ASH1L: variants seen among roughly 807,000 people sequenced by gnomAD.
The protein encoded by ASH1L is histone-lysine N-methyltransferase ASH1L.
A neutral mutation model predicts 269.0 loss-of-function variants in ASH1L; 23 were observed. The ratio of observed to expected loss-of-function variants is 0.09; its 90% confidence interval spans 0.06 to 0.12. ASH1L has a LOEUF of 0.12. ASH1L is among the 10% of genes least tolerant of loss of function. The pLI, the probability that ASH1L is intolerant of heterozygous loss-of-function variation, is 1.00. For synonymous variants in ASH1L, 1,187 were observed against 1,253.5 expected, an observed-to-expected ratio of 0.95 and a Z score of 1.12; for missense variants, 2,912 against 3,567.8, an observed-to-expected ratio of 0.82 and a Z score of 4.68.
intron 1 of ASH1L, among the ~76,000 whole-genome samples, chr1:155,524,821 C>G (rs1238704269): frequency 6.6e-6 from 1 of 151,730 alleles, no homozygotes; most frequent in Non-Finnish European, 1.5e-5. Flanking sequence ...GCTTGGGCAA[C>G]AGAACAAGAC....
At position 155,482,592 on chromosome 1, in the gene ASH1L, T is replaced by C. The variant is rs1666035069; in HGVS notation, c.421-143A>G. ...TTTTTAAAAAACCTAATATTATACT[T>C]ATGTCACAGTATGTTAGCTCATCTG... On this transcript the variant is annotated intron_variant, in intron 2 of 27. Transcript: ENST00000392403. 11 of 759,680 alleles carry C rather than the reference T, an allele frequency of 1.4e-5. No individual in the cohort carries two copies. In the South Asian group the frequency reaches 2.0e-4, roughly 14 times the overall value. The allele number at this position is 759,680 out of a possible 1,614,324, so 47.1% of individuals were successfully genotyped here. A position where few individuals can be genotyped will look rare whatever the true frequency, so the allele number is the denominator to read the frequency against.
intron 2 of ASH1L, among the ~76,000 whole-genome samples, chr1:155,507,867 TAGA>T (rs1264118675): frequency 6.6e-6 from 1 of 152,232 alleles, no homozygotes; most frequent in Non-Finnish European, 1.5e-5. Context: ...ACTGCCTCTT[TAGA>T]AGAAGACCGT....
At chr1:155,557,480 C>T (rs930079144) in intron 1 of ASH1L, among the ~76,000 whole-genome samples, 2 of 151,712 alleles carry the variant, frequency 1.3e-5, no homozygotes, top group Non-Finnish European at 2.9e-5. Flanking sequence ...CAGGGTTTCA[C>T]CATGTTAGCC....
chr1:155,343,879 G>A lies in ASH1L; in HGVS notation c.7982-137C>T. On this transcript the variant is annotated intron_variant, in intron 22 of 27. Coordinates refer to ENST00000392403, the MANE Select transcript of ASH1L (RefSeq NM_018489.3). The surrounding 1 kb of genome is among the most constrained non-coding windows in gnomAD (Gnocchi z 6.1). ...TAAATACAGAGAGCTAAAAGCAGCA[G>A]TGTTAAGTGATGATAATCAATTCTA... 9.8e-7 allele frequency: 1 copy of A among 1,016,504 alleles called. No homozygotes were observed. The highest frequency in any genetic ancestry group is 2.6e-5 in the East Asian group (1 of 38,492). The allele number at this position is 1,016,504 out of a possible 1,614,324, so 63.0% of individuals were successfully genotyped here.
intron 2 of ASH1L, among the ~76,000 whole-genome samples, chr1:155,500,604 T>C (rs1473366096): frequency 2.0e-5 from 3 of 151,706 alleles, no homozygotes; most frequent in Non-Finnish European, 2.9e-5. Context: ...ACGCAGCCCA[T>C]AGGGCACAAG....
At chr1:155,417,726 A>G (rs1261696317) in intron 5 of ASH1L, among the ~76,000 whole-genome samples, 1 of 152,200 alleles carries the variant, frequency 6.6e-6, no homozygotes, top group Non-Finnish European at 1.5e-5. Flanking sequence ...TGGGAGGCTG[A>G]GACAGGCGGA....
intron 3 of ASH1L, among the ~76,000 whole-genome samples, chr1:155,464,707 A>G (rs1664548301): frequency 6.6e-6 from 1 of 152,216 alleles, no homozygotes; most frequent in Non-Finnish European, 1.5e-5. Context: ...AATTAAAACC[A>G]AACTTGCAAA....
chr1:155,350,219 C>G (rs1653774287), intron 17 of ASH1L, among the ~76,000 whole-genome samples: 1 of 151,926 alleles, frequency 6.6e-6, no homozygotes, highest in Non-Finnish European at 1.5e-5. Context: ...CAGGGTTTCA[C>G]CATGTTGGCC....
chr1:155,469,971 A>T (rs565651172), intron 3 of ASH1L, among the ~76,000 whole-genome samples: 1 of 152,280 alleles, frequency 6.6e-6, no homozygotes, highest in East Asian at 1.9e-4. Context: ...TGGGTCCCAT[A>T]TCAAACCATT....
chr1:155,409,275 T>TA (rs769863770), intron 6 of ASH1L, among the ~76,000 whole-genome samples: 2 of 152,076 alleles, frequency 1.3e-5, no homozygotes, highest in Admixed American at 6.6e-5. Context: ...ATCTGCCTCC[T>TA]ACAGTTCTCG....
intron 1 of ASH1L, among the ~76,000 whole-genome samples, chr1:155,547,466 C>T (rs778564002): frequency 2.0e-5 from 3 of 151,790 alleles, no homozygotes; most frequent in African/African-American, 7.3e-5. Flanking sequence ...GAGATCGGCT[C>T]GGTGAGGTGC....
At chr1:155,360,990 C>G (rs535153225) in intron 12 of ASH1L, among the ~76,000 whole-genome samples, 19 of 152,112 alleles carry the variant, frequency 1.2e-4, no homozygotes, top group South Asian at 4.1e-4. Context: ...CCTGTAATCC[C>G]AGCACTTTGG....
chr1:155,556,406 G>A (rs980560684), intron 1 of ASH1L, among the ~76,000 whole-genome samples: 23 of 62,722 alleles, frequency 3.7e-4, no homozygotes, highest in Non-Finnish European at 6.9e-4. Flanking sequence ...ATATACGTGT[G>A]TGTGTGTGTG....
At chr1:155,445,593 G>C (rs1277989790) in intron 4 of ASH1L, among the ~76,000 whole-genome samples, 1 of 152,102 alleles carries the variant, frequency 6.6e-6, no homozygotes, top group African/African-American at 2.4e-5. Flanking sequence ...GCCTCCGAAA[G>C]TGCTGCGATT....
intron 3 of ASH1L, among the ~76,000 whole-genome samples, chr1:155,465,659 T>A (rs1040480629): frequency 2.0e-5 from 3 of 152,212 alleles, no homozygotes; most frequent in African/African-American, 7.2e-5. Flanking sequence ...GTTACAAAAG[T>A]TTAGTTTTAA....
At chr1:155,378,648 C>T in intron 8 of ASH1L, 100 bp from the exon 9 acceptor site, 1 of 909,258 alleles carries the variant, frequency 1.1e-6, no homozygotes, top group Non-Finnish European at 1.7e-6. Flanking sequence ...ATGTGCTCTG[C>T]TCATCTGGAA....
intron 1 of ASH1L, among the ~76,000 whole-genome samples, chr1:155,530,544 G>A: frequency 6.7e-6 from 1 of 149,670 alleles, no homozygotes; most frequent in Non-Finnish European, 1.5e-5. Context: ...TGGCCAACAT[G>A]GTGAAACCCC....
chr1:155,482,232 C>G lies in ASH1L; in HGVS notation c.638G>C (p.Gly213Ala), dbSNP rs771421315. Residue 213 changes from glycine to alanine, a missense_variant, in exon 3 of 28, where the codon GGA (glycine) becomes GCA (alanine). Around this residue, in one of 13 missense-constraint regions of ASH1L, gnomAD observed 277 missense variants for 367.7 expected, o/e 0.75. Coordinates refer to ENST00000392403, the MANE Select transcript of ASH1L (RefSeq NM_018489.3). ...DLKDRALLNG[G>A]TSVTEKLAQL... ...TGCCAACTTTTCTGTTACACTAGTT[C>G]CTCCATTAAGTAATGCTCTGTCCTT... The G allele has an allele frequency of 6.2e-7, 1 of 1,614,002 alleles. No homozygotes were observed. Among genetic ancestry groups the G allele is most frequent in the African/African-American group, 1.3e-5 (1 of 74,914 alleles).
intron 4 of ASH1L, among the ~76,000 whole-genome samples, chr1:155,444,381 T>C (rs1039142509): frequency 1.3e-5 from 2 of 152,200 alleles, no homozygotes; most frequent in African/African-American, 4.8e-5. Flanking sequence ...AAAGATCCTA[T>C]ACATCCTCAC....
Sources: allele counts gnomAD v4.1 joint callset (sites outside exome capture counted in the v4.1 genomes callset), GRCh38; gene constraint gnomAD v4.1.1; regional missense constraint gnomAD v4.1.1; non-coding constraint Gnocchi (gnomAD v3.1); transcripts MANE v1.5; gene names NCBI Gene and HGNC (gene_info 2026-07-23, HGNC 2026-07-21).